Variants in RORA observed in about 807,000 individuals in gnomAD.
The protein encoded by RORA is nuclear receptor ROR-alpha.
Under a neutral mutation model 69.5 loss-of-function variants are expected in RORA, and 7 were observed. The observed-to-expected ratio is 0.10, with a 90% CI of 0.06 to 0.19. RORA has a LOEUF of 0.19. Ranked by LOEUF, RORA falls within the 10% of genes least tolerant of loss-of-function variation. The pLI is 1.00. For missense variants in RORA, 457 were observed against 663.0 expected, an observed-to-expected ratio of 0.69 and a Z score of 3.41; for synonymous variants, 261 against 240.8, an observed-to-expected ratio of 1.08 and a Z score of -0.78.
At chr15:60,919,425 T>C (rs1891974293) in intron 1 of RORA, among the ~76,000 whole-genome samples, 1 of 152,104 alleles carries the variant, frequency 6.6e-6, no homozygotes, top group Non-Finnish European at 1.5e-5. Flanking sequence ...CACCTCCGAG[T>C]GATTTTCCAT....
At chr15:60,879,553 T>C (rs2073656063) in intron 1 of RORA, among the ~76,000 whole-genome samples, 1 of 152,210 alleles carries the variant, frequency 6.6e-6, no homozygotes. Context: ...AACCTGATAA[T>C]CATAGAACTG....
At chr15:61,067,890 A>G (rs1337055985) in intron 1 of RORA, among the ~76,000 whole-genome samples, 1 of 152,236 alleles carries the variant, frequency 6.6e-6, no homozygotes, top group Non-Finnish European at 1.5e-5. Flanking sequence ...TAGCCCTGTC[A>G]GATCCTTCCT....
chr15:61,226,063 A>G lies in RORA; in HGVS notation c.166+2990T>C, dbSNP rs933490549. On this transcript the variant is annotated intron_variant, in intron 1 of 10. Transcript: ENST00000335670. The surrounding 1 kb of genome is among the most constrained non-coding windows in gnomAD (Gnocchi z 4.2). ...CTGATTTTGTAAGCTCAGGCAATAA[A>G]GGTACACAGTGCATCCACACTTGGA... Among the ~76,000 whole-genome samples the G allele has an allele frequency of 6.6e-6, 1 of 152,214 alleles. No homozygotes were observed. The highest frequency in any genetic ancestry group is 2.1e-4 in the South Asian group (1 of 4,836).
intron 1 of RORA, among the ~76,000 whole-genome samples, chr15:60,910,624 G>A (rs953897630): frequency 6.6e-6 from 1 of 152,154 alleles, no homozygotes; most frequent in African/African-American, 2.4e-5. Flanking sequence ...GAGAGTTTAG[G>A]TGGCTCATCT....
intron 1 of RORA, among the ~76,000 whole-genome samples, chr15:60,714,452 C>T (rs901794971): frequency 3.9e-5 from 6 of 151,922 alleles, no homozygotes; most frequent in Non-Finnish European, 7.4e-5. Flanking sequence ...GCAACCTCAA[C>T]CTCCTGGGCT....
At position 61,147,214 on chromosome 15, in the gene RORA, C is replaced by A. The variant is rs901129309; in HGVS notation, c.166+81839G>T. Among the ~76,000 whole-genome samples the A allele has an allele frequency of 6.6e-6, 1 of 152,178 alleles. No homozygotes were observed. Among genetic ancestry groups the A allele is most frequent in the African/African-American group, 2.4e-5 (1 of 41,462 alleles). Reference sequence around the variant, plus strand: ...ACTAGTCATGCCTTGAACCACACAGCACCGTGGTCGTTTCCACCACCCAAG... The same window carrying A: ...ACTAGTCATGCCTTGAACCACACAGAACCGTGGTCGTTTCCACCACCCAAG... On this transcript the variant is annotated intron_variant, in intron 1 of 10. Transcript: ENST00000335670. The surrounding 1 kb of genome is among the most constrained non-coding windows in gnomAD (Gnocchi z 4.1).
At chr15:61,127,603 A>G (rs1166744119) in intron 1 of RORA, among the ~76,000 whole-genome samples, 1 of 152,362 alleles carries the variant, frequency 6.6e-6, no homozygotes, top group East Asian at 1.9e-4. Context: ...AACACCAAGT[A>G]TGCATCATGT....
intron 1 of RORA, among the ~76,000 whole-genome samples, chr15:61,169,422 G>A (rs946278606): frequency 9.2e-5 from 14 of 152,058 alleles, no homozygotes; most frequent in African/African-American, 3.1e-4. Flanking sequence ...TTGGTGGCCA[G>A]CTCTGCCTCC....
chr15:60,632,608 T>C (rs1331239132), intron 2 of RORA, among the ~76,000 whole-genome samples: 2 of 152,194 alleles, frequency 1.3e-5, no homozygotes, highest in African/African-American at 4.8e-5. Context: ...TATTTATTAT[T>C]ATTTTTCCCC....
chr15:60,510,062 A>C (rs1240114689), intron 5 of RORA, among the ~76,000 whole-genome samples: 7 of 152,228 alleles, frequency 4.6e-5, no homozygotes. Flanking sequence ...TATGGGGTGC[A>C]GAGGTAGAGA....
chr15:60,521,660 T>G (rs2066170986), intron 3 of RORA, among the ~76,000 whole-genome samples: 1 of 152,260 alleles, frequency 6.6e-6, no homozygotes, highest in South Asian at 2.1e-4. Context: ...AAATGAAGTT[T>G]AGAATGTTAA....
chr15:61,184,668 G>A (rs1446082915), intron 1 of RORA, among the ~76,000 whole-genome samples: 4 of 152,120 alleles, frequency 2.6e-5, no homozygotes, highest in Middle Eastern at 3.2e-3. Flanking sequence ...TACAGTAAAG[G>A]TTTGCTGAAT....
At chr15:60,910,467 G>C (rs1891673149) in intron 1 of RORA, among the ~76,000 whole-genome samples, 1 of 152,222 alleles carries the variant, frequency 6.6e-6, no homozygotes, top group African/African-American at 2.4e-5. Flanking sequence ...CAAGTAAATA[G>C]AGTAGAGCAT....
intron 1 of RORA, among the ~76,000 whole-genome samples, chr15:60,894,805 T>C (rs761485947): frequency 4.6e-5 from 7 of 152,308 alleles, no homozygotes; most frequent in Non-Finnish European, 8.8e-5. Context: ...AGGCCTCCCC[T>C]GGTGTTAGGA....
At chr15:60,869,191 C>A (rs1200193177) in intron 1 of RORA, among the ~76,000 whole-genome samples, 1 of 152,176 alleles carries the variant, frequency 6.6e-6, no homozygotes, top group African/African-American at 2.4e-5. Context: ...GCCAAGGTAA[C>A]CATTTTTTCC....
At chr15:60,839,049 C>A (rs1211256024) in intron 1 of RORA, among the ~76,000 whole-genome samples, 1 of 152,072 alleles carries the variant, frequency 6.6e-6, no homozygotes, top group Non-Finnish European at 1.5e-5. Flanking sequence ...CCACCACACC[C>A]ACCTGGCTAA....
At chr15:60,608,872 G>A (rs985882690) in intron 2 of RORA, among the ~76,000 whole-genome samples, 4 of 152,122 alleles carry the variant, frequency 2.6e-5, no homozygotes, top group African/African-American at 9.7e-5. Context: ...ATCATATGAT[G>A]TTGAGCATAT....
At chr15:60,914,108 G>A (rs1211708370) in intron 1 of RORA, among the ~76,000 whole-genome samples, 11 of 152,180 alleles carry the variant, frequency 7.2e-5, no homozygotes, top group East Asian at 1.9e-4. Flanking sequence ...AAACAAAGAC[G>A]GGTGCACGTT....
At chr15:60,940,466 G>T (rs1892659123) in intron 1 of RORA, among the ~76,000 whole-genome samples, 1 of 152,166 alleles carries the variant, frequency 6.6e-6, no homozygotes, top group African/African-American at 2.4e-5. Flanking sequence ...TACAGAGACA[G>T]AAAGCTGATC....
Sources: allele counts gnomAD v4.1 joint callset (sites outside exome capture counted in the v4.1 genomes callset), GRCh38; gene constraint gnomAD v4.1.1; non-coding constraint Gnocchi (gnomAD v3.1); transcripts MANE v1.5; gene names NCBI Gene and HGNC (gene_info 2026-07-23, HGNC 2026-07-21).